TNRC18: variants seen among roughly 807,000 people sequenced by gnomAD.
TNRC18 encodes trinucleotide repeat-containing gene 18 protein.
A neutral mutation model predicts 226.7 loss-of-function variants in TNRC18; 69 were observed. That is an observed-to-expected ratio of 0.30 (90% CI 0.25 to 0.37). The LOEUF is 0.37. Among genes scored for constraint, TNRC18 ranks in the 10% least tolerant of loss-of-function variants. The pLI is 1.00. For missense variants in TNRC18, 4,754 were observed against 4,256.6 expected, an observed-to-expected ratio of 1.12 and a Z score of -3.25; for synonymous variants, 2,449 against 1,927.6, an observed-to-expected ratio of 1.27 and a Z score of -7.09.
At chr7:5,417,959 G>A (rs566971515) in intron 2 of TNRC18, among the ~76,000 whole-genome samples, 2 of 152,156 alleles carry the variant, frequency 1.3e-5, no homozygotes, top group Non-Finnish European at 2.9e-5. Context: ...CAGAGTGCTA[G>A]CCAAGCCAAG....
At chr7:5,333,449 C>T (rs1471933519) in intron 18 of TNRC18, among the ~76,000 whole-genome samples, 1 of 152,250 alleles carries the variant, frequency 6.6e-6, no homozygotes, top group Non-Finnish European at 1.5e-5. Flanking sequence ...CCAAGCCCCG[C>T]TCGCCTTCTC....
intron 17 of TNRC18, among the ~76,000 whole-genome samples, chr7:5,346,991 G>A (rs1398287723): frequency 6.6e-6 from 1 of 152,024 alleles, no homozygotes; most frequent in Non-Finnish European, 1.5e-5. Flanking sequence ...GGCCCAATGG[G>A]GTTAAGCACT....
rs775468624 is a variant in TNRC18, at chr7:5,313,464, T to C, written c.7427A>G (p.Lys2476Arg). Residue 2476 changes from lysine to arginine, a missense_variant, in exon 27 of 30, where the codon AAG (lysine) becomes AGG (arginine). Lys to Arg is a conservative substitution (Grantham distance 26). Coordinates refer to ENST00000430969, the MANE Select transcript of TNRC18 (RefSeq NM_001080495.3). ...CCGGAGCAGCAGGGCCTCTTTAGCC[T>C]TCTTGCTTTTGGGTGACGTGACACC... ...HEGVTSPKSK[K>R]AKEALLLRED... The C allele has an allele frequency of 6.2e-7, 1 of 1,613,078 alleles. No homozygotes were observed. The highest frequency in any genetic ancestry group is 1.1e-5 in the South Asian group (1 of 91,012).
intron 3 of TNRC18, among the ~76,000 whole-genome samples, chr7:5,392,193 G>A (rs1210506054): frequency 6.6e-6 from 1 of 152,220 alleles, no homozygotes. Context: ...AGCCGGAGCA[G>A]TGGCTCATGC....
In TNRC18 at chr7:5,423,662, G is replaced by C. The variant is rs1415292823; in HGVS notation, c.-465C>G. On this transcript the variant is annotated 5_prime_UTR_variant, in exon 1 of 30. Transcript: ENST00000430969. The stretch of plus-strand genomic sequence containing the variant: ...GGCGCGCCAACTCCTCCGCCCTCCC[G>C]CGGCCCGGCTCCCGCAGCCCCCGGA... The C allele has an allele frequency of 6.6e-6, 1 of 151,716 alleles. No individual in the cohort carries two copies. Among genetic ancestry groups the C allele is most frequent in the East Asian group, 1.9e-4 (1 of 5,150 alleles). 9.4% of individuals were successfully genotyped at this position (151,716 alleles called of 1,614,324 possible). A position where few individuals can be genotyped will look rare whatever the true frequency, so the allele number is the denominator to read the frequency against.
rs1044095326 is a variant in TNRC18 at position 5,374,584 on chromosome 7, G to T, written c.2800-100C>A. On this transcript the variant is annotated intron_variant, in intron 9 of 29. Coordinates refer to ENST00000430969, the MANE Select transcript of TNRC18 (RefSeq NM_001080495.3). ...CCCCAAGGGTCCCCGAGTCCGAGGA[G>T]AACCTCATGCAGGGCCTGGGGTCCA... is the stretch of plus-strand genomic sequence containing the variant. The T allele has an allele frequency of 3.8e-5, 48 of 1,273,632 alleles. No individual in the cohort carries two copies. The African/African-American group carries it at 7.5e-4, about 20-fold the overall frequency. 78.9% of individuals were successfully genotyped at this position (1,273,632 alleles called of 1,614,324 possible). A position where few individuals can be genotyped will look rare whatever the true frequency, so the allele number is the denominator to read the frequency against.
intron 5 of TNRC18, among the ~76,000 whole-genome samples, chr7:5,385,519 A>G (rs1258335673): frequency 6.5e-5 from 9 of 138,562 alleles, no homozygotes; most frequent in East Asian, 2.3e-4. Context: ...AAAAAAAAAG[A>G]AAAAAAAATA....
At position 5,370,779 on chromosome 7, in the gene TNRC18, T is replaced by A. The variant is rs1417686346; in HGVS notation, c.3815A>T (p.Glu1272Val). Reference sequence around the variant, plus strand: ...CGCCAGGCCTTCCTCGGGCACTGCCTCCACCACGGGCACCGCCACAGGCAC... The same window carrying A: ...CGCCAGGCCTTCCTCGGGCACTGCCACCACCACGGGCACCGCCACAGGCAC... Reference protein sequence around the residue: ...VEVPVAVPVVEAVPEEGLAQV... With the variant: ...VEVPVAVPVVVAVPEEGLAQV... The change falls in exon 11 of 30, where the codon GAG (glutamate) becomes GTG (valine). Residue 1272 changes from glutamate to valine, a missense_variant. Glu to Val is a moderately radical substitution (Grantham distance 121, BLOSUM62 -2). Coordinates refer to ENST00000430969, the MANE Select transcript of TNRC18 (RefSeq NM_001080495.3). 1 of 1,603,692 alleles carries A rather than the reference T, an allele frequency of 6.2e-7. No homozygotes were observed. The highest frequency in any genetic ancestry group is 2.3e-5 in the East Asian group (1 of 44,420).
Position 5,421,415 on chromosome 7 carries a change from G to T in TNRC18, c.-169C>A. 3 of 425,638 alleles carry T rather than the reference G, an allele frequency of 7.0e-6. No individual in the cohort carries two copies. In the South Asian group the frequency reaches 2.8e-4, roughly 39 times the overall value. The allele number at this position is 425,638 out of a possible 1,614,324, so 26.4% of individuals were successfully genotyped here. On this transcript the variant is annotated 5_prime_UTR_variant, in exon 2 of 30. Transcript: ENST00000430969. ...GCGCTCGGCGGCGGGCCCGCGGCCC[G>T]GGGCGCACAGGCGGCCGGCGGTGGG...
At chr7:5,339,229 C>CTTTTTTTTTTT (rs199794938) in intron 18 of TNRC18, among the ~76,000 whole-genome samples, 1 of 142,598 alleles carries the variant, frequency 7.0e-6, no homozygotes. Flanking sequence ...CTTTTTTTTT[C>CTTTTTTTTTTT]TTTTTTTTTT....
intron 21 of TNRC18, among the ~76,000 whole-genome samples, chr7:5,322,578 G>T (rs565316341): frequency 6.6e-6 from 1 of 152,276 alleles, no homozygotes; most frequent in African/African-American, 2.4e-5. Flanking sequence ...AGGTGCATGT[G>T]ACCACACCCC....
At chr7:5,343,292 TGCAGTGA>T (rs1432050296) in intron 18 of TNRC18, among the ~76,000 whole-genome samples, 1 of 152,116 alleles carries the variant, frequency 6.6e-6, no homozygotes, top group Non-Finnish European at 1.5e-5. Flanking sequence ...AGGTGGAGAT[TGCAGTGA>T]GCAGAGATCA....
intron 3 of TNRC18, among the ~76,000 whole-genome samples, chr7:5,391,766 G>C (rs1780315317): frequency 6.6e-6 from 1 of 150,462 alleles, no homozygotes; most frequent in East Asian, 2.0e-4. Flanking sequence ...GGAGGCCGAT[G>C]GGGGAGGATT....
At position 5,409,861 on chromosome 7, in the gene TNRC18, G is replaced by A. The variant is rs192226375; in HGVS notation, c.187+11199C>T. Reference sequence around the variant, plus strand: ...AAAAAATTAGCCAGGCGTGGTGGCCGGTGCCTGTAGTCCCAGCTACTCGGG... The same window carrying A: ...AAAAAATTAGCCAGGCGTGGTGGCCAGTGCCTGTAGTCCCAGCTACTCGGG... On this transcript the variant is annotated intron_variant, in intron 2 of 29. Transcript: ENST00000430969. Among the ~76,000 whole-genome samples, 1,468 of 149,294 alleles carry A rather than the reference G, an allele frequency of 9.8e-3. 28 individuals carry two copies. The highest frequency in any genetic ancestry group is 0.035 in the African/African-American group (1,400 of 40,542).
intron 2 of TNRC18, among the ~76,000 whole-genome samples, chr7:5,399,919 AT>A (rs1008449703): frequency 6.6e-6 from 1 of 151,268 alleles, no homozygotes; most frequent in African/African-American, 2.4e-5. Context: ...GCAGGCGCCT[AT>A]AGTCCCAGCT....
intron 17 of TNRC18, among the ~76,000 whole-genome samples, chr7:5,349,724 T>C (rs1052613523): frequency 6.6e-6 from 1 of 152,102 alleles, no homozygotes; most frequent in African/African-American, 2.4e-5. Flanking sequence ...AAAACAGACA[T>C]TCAAAGCGTC....
rs184077767 is a variant in TNRC18 at position 5,392,852 on chromosome 7, G to A, written c.343+1588C>T. ...GTGAAACCCCAACTCCACCAAAAAC[G>A]AATACAGTAGTTAACCGGGCGTGAT... is the stretch of plus-strand genomic sequence containing the variant. On this transcript the variant is annotated intron_variant, in intron 3 of 29. Coordinates refer to ENST00000430969, the MANE Select transcript of TNRC18 (RefSeq NM_001080495.3). Among the ~76,000 whole-genome samples, 218 of 151,808 alleles carry A rather than the reference G, an allele frequency of 1.4e-3. No homozygotes were observed. The East Asian group carries it at 0.024, about 17-fold the overall frequency.
intron 17 of TNRC18, among the ~76,000 whole-genome samples, chr7:5,348,806 G>T (rs551335079): frequency 1.3e-5 from 2 of 152,140 alleles, no homozygotes; most frequent in Non-Finnish European, 2.9e-5. Context: ...GCACACTTGC[G>T]ATCATTCACA....
At chr7:5,418,444 C>T (rs1782326324) in intron 2 of TNRC18, among the ~76,000 whole-genome samples, 1 of 152,192 alleles carries the variant, frequency 6.6e-6, no homozygotes, top group African/African-American at 2.4e-5. Flanking sequence ...TCAATACTAG[C>T]TTGGATGGGA....
Sources: allele counts gnomAD v4.1 joint callset (sites outside exome capture counted in the v4.1 genomes callset), GRCh38; gene constraint gnomAD v4.1.1; transcripts MANE v1.5; gene names NCBI Gene and HGNC (gene_info 2026-07-23, HGNC 2026-07-21).